Variants in RAPGEF2 observed in about 807,000 individuals in gnomAD.
The protein encoded by RAPGEF2 is PDZ domain containing guanine nucleotide exchange factor (GEF) 1.
In RAPGEF2, 54 loss-of-function variants were observed where a neutral mutation model predicts 186.7. The ratio of observed to expected loss-of-function variants is 0.29; its 90% CI spans 0.23 to 0.36. The LOEUF is 0.36. Among genes scored for constraint, RAPGEF2 ranks in the 10% least tolerant of loss-of-function variants. The probability of loss-of-function intolerance (pLI) is 1.00; values close to 1 mark genes in which losing one functional copy is unlikely to be tolerated. For synonymous variants in RAPGEF2, 712 were observed against 705.9 expected (o/e 1.01, Z -0.14); for missense variants, 1,532 against 2,045.0 (o/e 0.75, Z 4.84).
chr4:159,196,255 T>TG (rs1259134127), intron 3 of RAPGEF2, among the ~76,000 whole-genome samples: 1 of 152,234 alleles, frequency 6.6e-6, no homozygotes, highest in Non-Finnish European at 1.5e-5. Context: ...AGTTCGGTTT[T>TG]GAAAATTAAA....
In RAPGEF2 at chr4:159,144,879, G is replaced by GTTT. The variant is rs137978885; in HGVS notation, c.69+40672_69+40674dup. Among the ~76,000 whole-genome samples, 196 of 92,294 alleles carry GTTT rather than the reference G, an allele frequency of 2.1e-3. 29 individuals are homozygous for GTTT. The East Asian group carries it at 0.055, about 26-fold the overall frequency. The allele number at this position is 92,294 out of a possible 152,430, so 60.5% of individuals were successfully genotyped here. Reference sequence around the variant, plus strand: ...CTTCTTAATTTTTTTCTTTCTTCCTGTTTTTTTTTTTTTTTTTTTTTTTTT... The same window carrying GTTT: ...CTTCTTAATTTTTTTCTTTCTTCCTGTTTTTTTTTTTTTTTTTTTTTTTTTTTT... On this transcript the variant is annotated intron_variant, in intron 1 of 29. Coordinates refer to ENST00000691494, the MANE Select transcript of RAPGEF2 (RefSeq NM_001394067.2).
At chr4:159,286,554 T>C (rs1186491962) in intron 7 of RAPGEF2, among the ~76,000 whole-genome samples, 3 of 152,196 alleles carry the variant, frequency 2.0e-5, no homozygotes, top group Non-Finnish European at 4.4e-5. Flanking sequence ...CTAGAATGAA[T>C]CTCCACTCCC....
At chr4:159,222,756 CTG>C (rs1579508011) in intron 4 of RAPGEF2, among the ~76,000 whole-genome samples, 1 of 152,024 alleles carries the variant, frequency 6.6e-6, no homozygotes, top group East Asian at 1.9e-4. Context: ...AGTGTACTCT[CTG>C]TATTGGGGTC....
chr4:159,292,782 T>G (rs927340901), intron 7 of RAPGEF2, among the ~76,000 whole-genome samples: 2 of 152,150 alleles, frequency 1.3e-5, no homozygotes, highest in Non-Finnish European at 2.9e-5. Flanking sequence ...AAACAAGTAA[T>G]TTTCCGGAAA....
intron 11 of RAPGEF2, among the ~76,000 whole-genome samples, chr4:159,324,448 A>G (rs1765660601): frequency 6.6e-6 from 1 of 152,244 alleles, no homozygotes; most frequent in African/African-American, 2.4e-5. Flanking sequence ...AAAAAGTGTT[A>G]TGTAAGGATG....
chr4:159,294,691 T>TTCC (rs1761711510), intron 7 of RAPGEF2, among the ~76,000 whole-genome samples: 1 of 80,108 alleles, frequency 1.2e-5, no homozygotes, highest in Non-Finnish European at 2.8e-5. Context: ...TCCTTCCTTC[T>TTCC]TTCCGTCCGT....
Position 159,315,090 on chromosome 4 carries a change from T to G in RAPGEF2, c.853+322T>G, listed in dbSNP as rs1235923653. The stretch of plus-strand genomic sequence containing the variant: ...TCAAGCAGTATTACTTCTATTAATT[T>G]TCTCGTGAGCACTGTTTTTATTAAG... On this transcript the variant is annotated intron_variant, in intron 9 of 29. Transcript: ENST00000691494. Among the ~76,000 whole-genome samples, 18 of 152,260 alleles carry G rather than the reference T, an allele frequency of 1.2e-4. 1 individual carries two copies. The highest frequency in any genetic ancestry group is 1.2e-3 in the Admixed American group (18 of 15,296).
intron 1 of RAPGEF2, among the ~76,000 whole-genome samples, chr4:159,119,148 A>G (rs1739387664): frequency 6.6e-6 from 1 of 152,084 alleles, no homozygotes; most frequent in Non-Finnish European, 1.5e-5. Context: ...TATTTTTTTT[A>G]TATACAAGAA....
intron 29 of RAPGEF2, among the ~76,000 whole-genome samples, chr4:159,356,956 T>C (rs1020852868): frequency 6.6e-6 from 1 of 152,244 alleles, no homozygotes; most frequent in Non-Finnish European, 1.5e-5. Flanking sequence ...TCAAGAATTT[T>C]AGAAGCATGT....
chr4:159,239,600 T>C (rs1753713893), intron 5 of RAPGEF2, among the ~76,000 whole-genome samples: 1 of 152,192 alleles, frequency 6.6e-6, no homozygotes. Flanking sequence ...CAACATACTT[T>C]GAAGCTTAAA....
At chr4:159,253,851 C>CG (rs1755790439) in intron 7 of RAPGEF2, among the ~76,000 whole-genome samples, 1 of 151,958 alleles carries the variant, frequency 6.6e-6, no homozygotes, top group Non-Finnish European at 1.5e-5. Context: ...GCCTGTAGTC[C>CG]CAGCTACTCG....
intron 7 of RAPGEF2, among the ~76,000 whole-genome samples, chr4:159,281,671 C>CAAAAA (rs11346544): frequency 1.3e-4 from 11 of 85,130 alleles, no homozygotes; most frequent in East Asian, 4.3e-4. Flanking sequence ...AACTTGATTT[C>CAAAAA]AAAAAAAAAA....
intron 7 of RAPGEF2, among the ~76,000 whole-genome samples, chr4:159,283,760 C>A (rs567548759): frequency 4.6e-5 from 7 of 152,096 alleles, no homozygotes; most frequent in Non-Finnish European, 8.8e-5. Context: ...AAAGCCAGGA[C>A]ATTTTTTTAA....
chr4:159,314,527 T>C (rs1333596814), intron 8 of RAPGEF2, 64 bp from the exon 9 acceptor site: 2 of 1,410,016 alleles, frequency 1.4e-6, no homozygotes, highest in East Asian at 5.1e-5. Context: ...TTGCTCTTGT[T>C]TCTTTGGGCC....
chr4:159,296,117 A>T (rs951790439), intron 7 of RAPGEF2, among the ~76,000 whole-genome samples: 2 of 152,210 alleles, frequency 1.3e-5, no homozygotes, highest in Non-Finnish European at 2.9e-5. Context: ...CCTTGTAAAG[A>T]TTAATTTATA....
At chr4:159,320,846 G>A (rs542393786) in intron 9 of RAPGEF2, among the ~76,000 whole-genome samples, 2 of 151,892 alleles carry the variant, frequency 1.3e-5, no homozygotes, top group Non-Finnish European at 2.9e-5. Flanking sequence ...GGGAATGTTT[G>A]ATTATGTACA....
intron 1 of RAPGEF2, among the ~76,000 whole-genome samples, chr4:159,105,673 C>T (rs1041502738): frequency 6.6e-6 from 1 of 152,208 alleles, no homozygotes; most frequent in African/African-American, 2.4e-5. Flanking sequence ...GCTGCCTTTC[C>T]TATGCCTTTC....
intron 3 of RAPGEF2, among the ~76,000 whole-genome samples, chr4:159,194,151 T>C (rs951584557): frequency 6.6e-6 from 1 of 152,162 alleles, no homozygotes; most frequent in Non-Finnish European, 1.5e-5. Flanking sequence ...CTGCAGACAC[T>C]TTTTAGGCAG....
At chr4:159,212,973 C>A (rs1750668242) in intron 4 of RAPGEF2, among the ~76,000 whole-genome samples, 1 of 152,196 alleles carries the variant, frequency 6.6e-6, no homozygotes, top group Non-Finnish European at 1.5e-5. Context: ...ATTTCTTGAG[C>A]ACATTGGACT....
Sources: gnomAD v4.1 joint callset for allele counts (sites outside exome capture counted in the v4.1 genomes callset) on GRCh38, gnomAD v4.1.1 for gene constraint, MANE v1.5 for transcripts, NCBI Gene and HGNC (gene_info 2026-07-23, HGNC 2026-07-21) for gene names.